The following LY9 variants were observed in gnomAD, a reference collection of about 807,000 sequenced individuals.
LY9 encodes lymphocyte antigen 9.
A neutral mutation model predicts 64.6 loss-of-function variants in LY9; 59 were observed. That is an observed-to-expected ratio of 0.91 (90% CI 0.74 to 1.13). The LOEUF is 1.13. Among genes scored for constraint, LY9 ranks in the 50% most tolerant of loss-of-function variants. The pLI, the probability that LY9 is intolerant of heterozygous loss-of-function variation, is 0.00. For synonymous variants in LY9, 281 were observed against 308.5 expected (o/e 0.91, Z 0.93); for missense variants, 789 against 797.2 (o/e 0.99, Z 0.12).
intron 7 of LY9, among the ~76,000 whole-genome samples, chr1:160,821,157 A>AAAAAAAAAAAACAAAC (rs1553192059): frequency 6.6e-6 from 1 of 150,414 alleles, no homozygotes; most frequent in Admixed American, 6.6e-5. Context: ...TTGCTAAAAA[A>AAAAAAAAAAAACAAAC]AAAAAAAAAA....
At chr1:160,799,704 A>G in intron 1 of LY9, 49 bp from the exon 2 acceptor site, 1 of 1,153,858 alleles carries the variant, frequency 8.7e-7, no homozygotes, top group Non-Finnish European at 1.3e-6. Context: ...AAAGAAGGCT[A>G]GCTCAAGGAG....
In LY9 at chr1:160,824,467, A is replaced by G. The variant is rs768707449; in HGVS notation, c.1899+218A>G. The G allele has an allele frequency of 3.0e-6, 3 of 985,080 alleles. No individual in the cohort carries two copies. In the African/African-American group the frequency reaches 5.2e-5, roughly 17 times the overall value. The allele number at this position is 985,080 out of a possible 1,614,324, so 61.0% of individuals were successfully genotyped here. The stretch of plus-strand genomic sequence containing the variant: ...CTGAACATTTCTAATTGATTTAATA[A>G]TATCTTATGTTGGTTATTTTTAACA... On this transcript the variant is annotated intron_variant, in intron 9 of 9. Coordinates refer to ENST00000263285, the MANE Select transcript of LY9 (RefSeq NM_002348.4).
Position 160,814,449 on chromosome 1 carries a change from G to C in LY9, c.760G>C (p.Gly254Arg). 1.9e-6 allele frequency: 3 copies of C among 1,613,182 alleles called. No homozygotes were observed. Among genetic ancestry groups the C allele is most frequent in the Non-Finnish European group, 2.5e-6 (3 of 1,179,468 alleles). The stretch of plus-strand genomic sequence containing the variant: ...AGGAGCCTCCAGAGGAGGAACAACG[G>C]GGGAGACTGTGGTAGGGGTCCTGGG... ...DPGASRGGTT[G>R]ETVVGVLGEP... Residue 254 changes from glycine to arginine, a missense_variant, in exon 4 of 10, where the codon GGG becomes CGG. Coordinates refer to ENST00000263285, the MANE Select transcript of LY9 (RefSeq NM_002348.4).
At chr1:160,823,046 T>C (rs1054020309) in intron 7 of LY9, among the ~76,000 whole-genome samples, 81 of 152,140 alleles carry the variant, frequency 5.3e-4, no homozygotes, top group Admixed American at 2.0e-4. Flanking sequence ...CTCTGCACTT[T>C]CCTCATACGT....
At chr1:160,816,484 G>A (rs1173012402) in intron 4 of LY9, 110 bp from the exon 5 acceptor site, 2 of 1,284,516 alleles carry the variant, frequency 1.6e-6, no homozygotes, top group Non-Finnish European at 2.1e-6. Context: ...GAGGCACTTT[G>A]CCGGCAGTAT....
At chr1:160,826,439 T>A (rs569095579) in intron 9 of LY9, among the ~76,000 whole-genome samples, 3 of 152,354 alleles carry the variant, frequency 2.0e-5, no homozygotes, top group African/African-American at 7.2e-5. Flanking sequence ...TGTTCCATTA[T>A]TGGAACACTA....
chr1:160,809,764 C>T (rs979891562), intron 2 of LY9: 9 of 152,170 alleles, frequency 5.9e-5, no homozygotes, highest in African/African-American at 2.2e-4. Flanking sequence ...CTTATATTCT[C>T]AATAACAAAG....
chr1:160,803,987 G>A (rs751132542), intron 2 of LY9, among the ~76,000 whole-genome samples: 12 of 152,012 alleles, frequency 7.9e-5, no homozygotes, highest in Non-Finnish European at 1.6e-4. Flanking sequence ...TACAGCCTGG[G>A]TGAAAAAATG....
chr1:160,804,918 T>C (rs1026886043), intron 2 of LY9, among the ~76,000 whole-genome samples: 6 of 152,120 alleles, frequency 3.9e-5, no homozygotes, highest in African/African-American at 1.4e-4. Context: ...TGGATTTTGG[T>C]CTTTTGTATT....
chr1:160,802,947 T>C (rs1262566312), intron 2 of LY9, among the ~76,000 whole-genome samples: 2 of 152,208 alleles, frequency 1.3e-5, no homozygotes, highest in Non-Finnish European at 2.9e-5. Context: ...AGCATTGCTA[T>C]GACTATTCAT....
intron 7 of LY9, among the ~76,000 whole-genome samples, chr1:160,821,168 A>AAC (rs1553192049): frequency 1.3e-5 from 2 of 151,366 alleles, no homozygotes; most frequent in African/African-American, 2.4e-5. Flanking sequence ...AAAAAAAAAA[A>AAC]ACCATATATT....
chr1:160,809,121 G>T (rs892750729), intron 2 of LY9, among the ~76,000 whole-genome samples: 1 of 151,340 alleles, frequency 6.6e-6, no homozygotes, highest in Non-Finnish European at 1.5e-5. Context: ...ATGTGACTAG[G>T]TTATATTCTG....
chr1:160,827,468 G>A (rs893439322), intron 9 of LY9, among the ~76,000 whole-genome samples: 2 of 152,198 alleles, frequency 1.3e-5, no homozygotes, highest in Non-Finnish European at 2.9e-5. Flanking sequence ...AGCTTCGTGA[G>A]GGCAAGCCCC....
intron 2 of LY9, chr1:160,812,846 G>A (rs1441009135): frequency 2.6e-5 from 4 of 152,212 alleles, no homozygotes; most frequent in African/African-American, 7.2e-5. Context: ...AGCACTTTGG[G>A]AGGCCAAGGC....
intron 2 of LY9, among the ~76,000 whole-genome samples, chr1:160,806,094 A>G (rs1204775719): frequency 1.3e-5 from 2 of 152,092 alleles, no homozygotes; most frequent in Non-Finnish European, 2.9e-5. Context: ...TGTAATTAAC[A>G]TATAGATGGA....
chr1:160,802,988 A>AT (rs895454879), intron 2 of LY9, among the ~76,000 whole-genome samples: 24 of 151,288 alleles, frequency 1.6e-4, no homozygotes, highest in South Asian at 4.2e-4. Flanking sequence ...ATATTTTAGG[A>AT]TTTTTTTTTC....
intron 6 of LY9, 106 bp from the exon 7 acceptor site, chr1:160,819,211 CCTGT>C (rs1162948683): frequency 9.4e-6 from 8 of 849,600 alleles, no homozygotes; most frequent in Admixed American, 3.5e-5. Flanking sequence ...AAGCCTTTTC[CCTGT>C]CTATGTCCCA....
chr1:160,823,938 T>C (rs1668686655), intron 8 of LY9, 142 bp downstream of exon 8: 2 of 780,728 alleles, frequency 2.6e-6, no homozygotes, highest in Non-Finnish European at 4.1e-6. Context: ...CATGGCTGTG[T>C]CCATGTTTAC....
At chr1:160,814,018 A>G (rs1416831999) in intron 3 of LY9, 107 bp downstream of exon 3, 2 of 1,230,062 alleles carry the variant, frequency 1.6e-6, no homozygotes, top group Non-Finnish European at 2.3e-6. Context: ...TGGGGAAGCA[A>G]GAGGACAGGC....
Sources: allele counts gnomAD v4.1 joint callset (sites outside exome capture counted in the v4.1 genomes callset), GRCh38; gene constraint gnomAD v4.1.1; transcripts MANE v1.5; gene names NCBI Gene and HGNC (gene_info 2026-07-23, HGNC 2026-07-21).